FAH: variants seen among roughly 807,000 people sequenced by gnomAD.
FAH encodes the protein fumarylacetoacetate hydrolase.
A neutral mutation model predicts 55.8 loss-of-function variants in FAH; 47 were observed. That is an observed-to-expected ratio of 0.84 (90% CI 0.67 to 1.07). The LOEUF (loss-of-function observed/expected upper bound fraction) is 1.07, where lower values mean the gene tolerates loss of function less well. Among genes scored for constraint, FAH ranks in the 50% least tolerant of loss-of-function variants. The pLI is 0.00. For synonymous variants in FAH, 199 were observed against 207.7 expected (o/e 0.96, Z 0.36); for missense variants, 495 against 545.9 (o/e 0.91, Z 0.93).
chr15:80,153,133 G>C lies in FAH; in HGVS notation c.79G>C (p.Asp27His), dbSNP rs867200761. ...LPYGVFSTRGDPRPRIGVAIG... is the reference protein window; with the variant it reads ...LPYGVFSTRGHPRPRIGVAIG... ...CTACGGCGTCTTCTCGACCAGAGGC[G>C]ACGTGAGCAGTGGGGCTTTGGCGTC... The change falls in exon 1 of 14, where the codon GAC (aspartate) becomes CAC (histidine). Residue 27 changes from aspartate (D) to histidine (H), a missense_variant and splice_region_variant. Physicochemically the swap from Asp to His is moderately conservative, Grantham distance 81 (BLOSUM62 -1). Coordinates refer to ENST00000561421, the MANE Select transcript of FAH (RefSeq NM_000137.4). 11 of 1,611,386 alleles carry C rather than the reference G, an allele frequency of 6.8e-6. 1 individual carries two copies. The Middle Eastern group carries it at 1.8e-3, about 266-fold the overall frequency.
intron 4 of FAH, 108 bp downstream of exon 4, chr15:80,160,567 G>A (rs763330647): frequency 5.7e-6 from 6 of 1,055,298 alleles, no homozygotes; most frequent in African/African-American, 3.1e-5. Flanking sequence ...TGCTGGTGGG[G>A]GGAGATGGAG....
intron 7 of FAH, 79 bp downstream of exon 7, chr15:80,168,395 C>A: frequency 7.0e-7 from 1 of 1,427,092 alleles, no homozygotes. Flanking sequence ...CTCCCCGCAC[C>A]ATGAGCCGCC....
intron 13 of FAH, 59 bp from the exon 14 acceptor site, chr15:80,186,071 G>A: frequency 7.2e-7 from 1 of 1,398,594 alleles, no homozygotes; most frequent in Non-Finnish European, 1.0e-6. Context: ...CGCTGCCTAG[G>A]TGTTGGTTCC....
In FAH at chr15:80,172,950, AG is replaced by A. The variant is rs2041253216; in HGVS notation, c.707-59del. The A allele has an allele frequency of 4.3e-6, 7 of 1,611,314 alleles. No homozygotes were observed. The African/African-American group carries it at 8.0e-5, about 18-fold the overall frequency. On this transcript the variant is annotated intron_variant, in intron 8 of 13. Transcript: ENST00000561421. ...TCTCTGCTCCTTGGTCAAGGGCAGG[AG>A]GGGGTCGTTGGGAGATGCCCTGATC... is the stretch of plus-strand genomic sequence containing the variant.
chr15:80,180,089 C>A lies in FAH; in HGVS notation c.961-35C>A, dbSNP rs2043691. 986,969 of 1,536,806 alleles carry A rather than the reference C, an allele frequency of 0.64. 320,385 individuals carry two copies. The highest frequency in any genetic ancestry group is 0.86 in the East Asian group (38,131 of 44,484). On this transcript the variant is annotated intron_variant, in intron 11 of 13. Transcript: ENST00000561421. ...CTCCGGGATGCTAGGCTAAGCCTGC[C>A]GCTGCTCATTCCACCTCGCGTCCAT...
intron 2 of FAH, 22 bp from the exon 3 acceptor site, chr15:80,159,734 T>G: frequency 6.2e-7 from 1 of 1,614,156 alleles, no homozygotes; most frequent in Non-Finnish European, 8.5e-7. Context: ...CGTGATCTTT[T>G]TTCTCCCTGT....
chr15:80,152,815 G>GA, upstream of FAH: 1 of 491,786 alleles, frequency 2.0e-6, no homozygotes, highest in Non-Finnish European at 3.6e-6. Context: ...CGAGACTGTG[G>GA]AGGACCTGGA....
intron 4 of FAH, among the ~76,000 whole-genome samples, chr15:80,160,887 ACT>A (rs1438065619): frequency 2.0e-5 from 3 of 151,982 alleles, no homozygotes; most frequent in Non-Finnish European, 2.9e-5. Flanking sequence ...AGCTGTTGAA[ACT>A]CTCAACCTGA....
At chr15:80,180,096 C>T in intron 11 of FAH, 28 bp from the exon 12 acceptor site, 2 of 1,574,806 alleles carry the variant, frequency 1.3e-6, no homozygotes, top group East Asian at 2.2e-5. Flanking sequence ...TGCCGCTGCT[C>T]ATTCCACCTC....
chr15:80,157,938 T>A, intron 1 of FAH, 122 bp from the exon 2 acceptor site: 1 of 761,944 alleles, frequency 1.3e-6, no homozygotes, highest in South Asian at 1.4e-5. Context: ...TTCAGTCCGC[T>A]CTGCATACAG....
At chr15:80,184,927 C>T (rs141226146) in intron 13 of FAH, among the ~76,000 whole-genome samples, 241 of 152,274 alleles carry the variant, frequency 1.6e-3, no homozygotes, top group Non-Finnish European at 2.6e-3. Context: ...CCATGCTGCT[C>T]GCTCAGCACC....
intron 7 of FAH, among the ~76,000 whole-genome samples, chr15:80,170,772 A>G (rs2041234266): frequency 1.3e-5 from 2 of 152,206 alleles, no homozygotes; most frequent in Admixed American, 1.3e-4. Context: ...TCTTTTTTTC[A>G]TCTTGATGAA....
In FAH at chr15:80,168,568, T is replaced by C. The variant is rs1595893311; in HGVS notation, c.606+252T>C. 4 of 572,994 alleles carry C rather than the reference T, an allele frequency of 7.0e-6. No homozygotes were observed. The East Asian group carries it at 1.2e-4, about 17-fold the overall frequency. The allele number at this position is 572,994 out of a possible 1,614,324, so 35.5% of individuals were successfully genotyped here. On this transcript the variant is annotated intron_variant, in intron 7 of 13. Transcript: ENST00000561421. ...AGAATTAATATTCACAGAGCTTTTG[T>C]GGGCATGTGTGGACATGCGCAGGGC...
intron 9 of FAH, among the ~76,000 whole-genome samples, chr15:80,174,310 C>T (rs977337102): frequency 2.0e-5 from 3 of 152,204 alleles, no homozygotes; most frequent in African/African-American, 7.2e-5. Flanking sequence ...GCCAGCCCTT[C>T]CCCAACACCA....
rs1370276 is a variant in FAH, at chr15:80,157,986, T to C, written c.82-74T>C. Reference sequence around the variant, plus strand: ...GGGGACCTGTGGACTCTTCAATAGATAGGCTTTCTGAGTAAATGAGCCAAG... The same window carrying C: ...GGGGACCTGTGGACTCTTCAATAGACAGGCTTTCTGAGTAAATGAGCCAAG... On this transcript the variant is annotated intron_variant, in intron 1 of 13. Transcript: ENST00000561421. 0.66 allele frequency: 730,837 copies of C among 1,111,084 alleles called. 242,450 individuals carry two copies. Among genetic ancestry groups the C allele is most frequent in the East Asian group, 0.88 (37,462 of 42,596 alleles). The allele number at this position is 1,111,084 out of a possible 1,614,324, so 68.8% of individuals were successfully genotyped here.
chr15:80,181,849 G>A (rs565402692), intron 13 of FAH, among the ~76,000 whole-genome samples: 1 of 92,050 alleles, frequency 1.1e-5, no homozygotes, highest in Non-Finnish European at 2.5e-5. Flanking sequence ...AGGTTCAAGC[G>A]ATTCTCCTGT....
chr15:80,170,950 T>A (rs970269427), intron 7 of FAH, among the ~76,000 whole-genome samples: 11 of 152,138 alleles, frequency 7.2e-5, no homozygotes, highest in African/African-American at 2.7e-4. Context: ...GCTGTTTTTC[T>A]TTAGAGGTAG....
At chr15:80,166,532 T>C (rs1374605057) in intron 5 of FAH, 1 of 152,182 alleles carries the variant, frequency 6.6e-6, no homozygotes, top group Non-Finnish European at 1.5e-5. Flanking sequence ...TTATAAGTGA[T>C]AGAAATTAAC....
At chr15:80,183,420 G>A (rs1322179946) in intron 13 of FAH, among the ~76,000 whole-genome samples, 2 of 152,226 alleles carry the variant, frequency 1.3e-5, no homozygotes, top group African/African-American at 2.4e-5. Flanking sequence ...AGGTGGAGGT[G>A]GTGTGTCAGC....
Sources: allele counts gnomAD v4.1 joint callset (sites outside exome capture counted in the v4.1 genomes callset), GRCh38; gene constraint gnomAD v4.1.1; transcripts MANE v1.5; gene names NCBI Gene and HGNC (gene_info 2026-07-23, HGNC 2026-07-21).